DNAJC2: variants seen among roughly 807,000 people sequenced by gnomAD.
The protein encoded by DNAJC2 is dnaJ homolog subfamily C member 2.
A neutral mutation model predicts 94.0 loss-of-function variants in DNAJC2; 32 were observed. That is an observed-to-expected ratio of 0.34 (90% CI 0.26 to 0.46). DNAJC2 has a LOEUF of 0.46. DNAJC2 is among the 20% of genes least tolerant of loss of function. DNAJC2 has a pLI of 1.00. For missense variants in DNAJC2, 550 were observed against 719.5 expected (o/e 0.76, Z 2.69); for synonymous variants, 210 against 229.7 (o/e 0.91, Z 0.77).
rs776961938 is a variant in DNAJC2 at position 103,316,004 on chromosome 7, CTT to C, written c.1510_1511del (p.Lys504GlufsTer6). 1.3e-6 allele frequency: 2 copies of C among 1,597,398 alleles called. No individual in the cohort carries two copies. The highest frequency in any genetic ancestry group is 8.5e-7 in the Non-Finnish European group (1 of 1,172,174). On this transcript the variant is annotated frameshift_variant, in exon 14 of 17. Transcript: ENST00000379263. LOFTEE classifies it high-confidence loss of function. ...AAAACTCACCAAGTTTTTGGAGACT[CTT>C]TGCTTTGCCAATAACATCTTTGGCA... is the stretch of plus-strand genomic sequence containing the variant. ...RTAKDVIGKA[K>X]SLQKLDPHQK...
In DNAJC2 at chr7:103,341,466, T is replaced by C. The variant is rs568434084; in HGVS notation, c.255+298A>G. On this transcript the variant is annotated intron_variant, in intron 2 of 16. Coordinates refer to ENST00000379263, the MANE Select transcript of DNAJC2 (RefSeq NM_014377.3). ...TCTTTTACTCCTTTGTGTCTTTGTA[T>C]ATCTTACTCCTTCTGCCCAGAATAC... 2.6e-5 allele frequency among the ~76,000 whole-genome samples: 4 copies of C among 152,340 alleles called. No homozygotes were observed. In the East Asian group the frequency reaches 7.7e-4, roughly 29 times the overall value.
In DNAJC2 at chr7:103,344,686, T is replaced by TC. The variant is rs1239251690; in HGVS notation, c.-65dup. ...CGTCCCGGGCGGAGGGCGCTTAGGG[T>TC]CCCCTCCAGCTCTACCTCTCACTCC... On this transcript the variant is annotated 5_prime_UTR_variant, in exon 1 of 17. Transcript: ENST00000379263. 6.5e-7 allele frequency: 1 copy of TC among 1,549,398 alleles called. No homozygotes were observed. Among genetic ancestry groups the TC allele is most frequent in the African/African-American group, 1.4e-5 (1 of 73,802 alleles).
chr7:103,343,903 C>T (rs1381063063), intron 1 of DNAJC2, among the ~76,000 whole-genome samples: 1 of 152,152 alleles, frequency 6.6e-6, no homozygotes, highest in Non-Finnish European at 1.5e-5. Flanking sequence ...TCAACAAGCG[C>T]CTATGTGACT....
rs1819397732 is a variant in DNAJC2, at chr7:103,342,225, T to C, written c.65-271A>G. Among the ~76,000 whole-genome samples the C allele has an allele frequency of 2.6e-5, 4 of 152,146 alleles. No individual in the cohort carries two copies. In the South Asian group the frequency reaches 8.3e-4, roughly 32 times the overall value. ...AGTAATGTCAATGATAAATCAGTAC[T>C]TTTTTGGGGATATGAGTAAGGTGAG... On this transcript the variant is annotated intron_variant, in intron 1 of 16. Coordinates refer to ENST00000379263, the MANE Select transcript of DNAJC2 (RefSeq NM_014377.3).
chr7:103,341,745 A>G lies in DNAJC2; in HGVS notation c.255+19T>C, dbSNP rs781328754. The G allele has an allele frequency of 3.9e-6, 6 of 1,521,724 alleles. No individual in the cohort carries two copies. Among genetic ancestry groups the G allele is most frequent in the Non-Finnish European group, 5.3e-6 (6 of 1,134,836 alleles). 94.3% of individuals were successfully genotyped at this position (1,521,724 alleles called of 1,614,324 possible). A position where few individuals can be genotyped will look rare whatever the true frequency, so the allele number is the denominator to read the frequency against. ...CTAACAAAGCATCTGACTGAACAAA[A>G]TATTCAGATATTAAATACCTTCCAG... is the stretch of plus-strand genomic sequence containing the variant. On this transcript the variant is annotated intron_variant, in intron 2 of 16. Coordinates refer to ENST00000379263, the MANE Select transcript of DNAJC2 (RefSeq NM_014377.3).
Position 103,312,482 on chromosome 7 carries a change from A to AATT in DNAJC2, c.*84_*86dup. ...TTATGTTGGAAGCAGCATACTTTCA[A>AATT]ATTATTACCATGAGTATAATTTTAA... On this transcript the variant is annotated 3_prime_UTR_variant, in exon 17 of 17. Transcript: ENST00000379263. 1 of 1,560,238 alleles carries AATT rather than the reference A, an allele frequency of 6.4e-7. No individual in the cohort carries two copies.
rs771623589 is a variant in DNAJC2, at chr7:103,315,891, TA to T, written c.1529-21del. On this transcript the variant is annotated intron_variant, in intron 14 of 16. Transcript: ENST00000379263. ...GAGGGTCTGAGAAATGAAAAAAATT[TA>T]ATACTTAACAGATCATCATTTAATC... is the stretch of plus-strand genomic sequence containing the variant. The T allele has an allele frequency of 6.3e-6, 10 of 1,579,354 alleles. No individual in the cohort carries two copies. Among genetic ancestry groups the T allele is most frequent in the Non-Finnish European group, 7.8e-6 (9 of 1,151,660 alleles).
At chr7:103,313,742 G>T (rs1261834000) in intron 15 of DNAJC2, 2 of 985,012 alleles carry the variant, frequency 2.0e-6, no homozygotes, top group African/African-American at 3.5e-5. Context: ...ACTAAACCTT[G>T]TATATTTCAG....
At chr7:103,314,323 A>G in intron 15 of DNAJC2, 2 of 985,432 alleles carry the variant, frequency 2.0e-6, no homozygotes, top group Non-Finnish European at 2.4e-6. Flanking sequence ...AGAAATCACT[A>G]TTCAAAAAAT....
intron 3 of DNAJC2, among the ~76,000 whole-genome samples, chr7:103,331,952 G>A (rs1164586051): frequency 1.3e-5 from 2 of 151,612 alleles, no homozygotes; most frequent in African/African-American, 2.4e-5. Context: ...CAGTGGCTAT[G>A]CTAATTTAGA....
intron 15 of DNAJC2, among the ~76,000 whole-genome samples, chr7:103,315,193 T>A (rs1271963571): frequency 1.3e-5 from 2 of 151,822 alleles, no homozygotes; most frequent in African/African-American, 2.4e-5. Context: ...TGAGTCTTAC[T>A]ATGTTTCCTG....
chr7:103,341,406 T>C (rs13438680), intron 2 of DNAJC2, among the ~76,000 whole-genome samples: 7 of 152,352 alleles, frequency 4.6e-5, no homozygotes, highest in African/African-American at 1.7e-4. Context: ...ATGTACCCTA[T>C]ACGACTTATC....
In DNAJC2 at chr7:103,312,416, G is replaced by A. The variant is rs1817795116; in HGVS notation, c.*153C>T. 4 of 1,508,594 alleles carry A rather than the reference G, an allele frequency of 2.7e-6. No individual in the cohort carries two copies. The highest frequency in any genetic ancestry group is 2.4e-5 in the East Asian group (1 of 41,702). 93.5% of individuals were successfully genotyped at this position (1,508,594 alleles called of 1,614,324 possible). On this transcript the variant is annotated 3_prime_UTR_variant, in exon 17 of 17. Transcript: ENST00000379263. ...AGGATAAAAAGACTACCCCTCTGAA[G>A]GTTGTTTTGTATTAATGGTCAGTCT...
At chr7:103,337,425 T>C (rs1268784114) in intron 3 of DNAJC2, 1 of 224,322 alleles carries the variant, frequency 4.5e-6, no homozygotes, top group East Asian at 1.0e-4. Context: ...TAAGTGCAGC[T>C]GCTATACTTC....
At chr7:103,328,879 G>A (rs1361893723) in intron 3 of DNAJC2, 3 of 546,212 alleles carry the variant, frequency 5.5e-6, no homozygotes, top group Non-Finnish European at 8.4e-6. Flanking sequence ...ATGCCAATTT[G>A]AATAATTTTA....
intron 10 of DNAJC2, among the ~76,000 whole-genome samples, 173 bp from the exon 11 acceptor site, chr7:103,320,017 G>C (rs1262699496): frequency 6.6e-6 from 1 of 152,162 alleles, no homozygotes; most frequent in African/African-American, 2.4e-5. Flanking sequence ...CTGGACAACA[G>C]AGCAAGACTC....
intron 2 of DNAJC2, among the ~76,000 whole-genome samples, chr7:103,339,541 G>A (rs569384424): frequency 2.0e-5 from 3 of 151,364 alleles, no homozygotes; most frequent in African/African-American, 4.9e-5. Context: ...TTGCCTTCCC[G>A]ATCATTTTAC....
intron 3 of DNAJC2, chr7:103,337,380 C>A: frequency 6.0e-6 from 1 of 165,656 alleles, no homozygotes; most frequent in Non-Finnish European, 1.3e-5. Flanking sequence ...AAAAAAAAAC[C>A]AAAAACCAAA....
Position 103,333,780 on chromosome 7 carries a change from G to C in DNAJC2, c.331+3956C>G, listed in dbSNP as rs190128936. Among the ~76,000 whole-genome samples, 5 of 152,166 alleles carry C rather than the reference G, an allele frequency of 3.3e-5. No individual in the cohort carries two copies. The East Asian group carries it at 9.7e-4, about 29-fold the overall frequency. ...CCTATGTCTGGCTTCTTTTACTCAT[G>C]GTTTGAGATTCATCCATGTTTTTCT... On this transcript the variant is annotated intron_variant, in intron 3 of 16. Transcript: ENST00000379263.
Sources: gnomAD v4.1 joint callset for allele counts (sites outside exome capture counted in the v4.1 genomes callset) on GRCh38, gnomAD v4.1.1 for gene constraint, MANE v1.5 for transcripts, NCBI Gene and HGNC (gene_info 2026-07-23, HGNC 2026-07-21) for gene names.